Variants in ABI3BP observed in about 807,000 individuals in gnomAD.
ABI3BP encodes ABI family member 3 binding protein, also known as target of Nesh-SH3.
In ABI3BP, 216 loss-of-function variants were observed where a neutral mutation model predicts 268.6. The ratio of observed to expected loss-of-function variants is 0.80; its 90% CI spans 0.72 to 0.90. ABI3BP has a LOEUF of 0.90. ABI3BP is among the 40% of genes least tolerant of loss of function. ABI3BP has a pLI of 0.00. For synonymous variants in ABI3BP, 730 were observed against 730.0 expected, an observed-to-expected ratio of 1.00 and a Z score of 0.00; for missense variants, 2,090 against 2,182.4, an observed-to-expected ratio of 0.96 and a Z score of 0.84.
chr3:100,886,011 A>G (rs1289991367), intron 5 of ABI3BP, 131 bp downstream of exon 5: 2 of 634,710 alleles, frequency 3.2e-6, no homozygotes, highest in Non-Finnish European at 4.9e-6. Context: ...CTTTGCTTCT[A>G]TATTTTCATA....
At chr3:100,953,744 A>G (rs1172392294) in intron 1 of ABI3BP, among the ~76,000 whole-genome samples, 1 of 152,174 alleles carries the variant, frequency 6.6e-6, no homozygotes, top group African/African-American at 2.4e-5. Context: ...GGAGAAGGTG[A>G]GACTTCAGCT....
At chr3:100,828,812 G>A (rs1247753643) in intron 33 of ABI3BP, among the ~76,000 whole-genome samples, 1 of 152,138 alleles carries the variant, frequency 6.6e-6, no homozygotes, top group African/African-American at 2.4e-5. Flanking sequence ...TCCAACGTGA[G>A]TACCAAAGAG....
intron 4 of ABI3BP, among the ~76,000 whole-genome samples, chr3:100,897,118 G>T (rs987044665): frequency 2.0e-5 from 3 of 152,108 alleles, no homozygotes; most frequent in African/African-American, 7.2e-5. Flanking sequence ...AATAGCCTTA[G>T]TGTAAGGGAA....
Position 100,749,982 on chromosome 3 carries a change from A to G in ABI3BP, c.*513T>C, listed in dbSNP as rs2095231868. On this transcript the variant is annotated 3_prime_UTR_variant, in exon 68 of 68. Coordinates refer to ENST00000471714, the MANE Select transcript of ABI3BP (RefSeq NM_001375547.2). Reference sequence around the variant, plus strand: ...GTTGCTAAAAAATTGAAGTTTAAATATAAAAAATTGAAGTTTAAATATAAA... The same window carrying G: ...GTTGCTAAAAAATTGAAGTTTAAATGTAAAAAATTGAAGTTTAAATATAAA... The G allele has an allele frequency of 2.9e-6, 1 of 346,198 alleles. No individual in the cohort carries two copies. The highest frequency in any genetic ancestry group is 5.0e-6 in the Non-Finnish European group (1 of 201,912). The allele number at this position is 346,198 out of a possible 1,614,324, so 21.4% of individuals were successfully genotyped here.
At chr3:100,960,934 T>C (rs1326983605) in intron 1 of ABI3BP, among the ~76,000 whole-genome samples, 2 of 152,192 alleles carry the variant, frequency 1.3e-5, no homozygotes, top group African/African-American at 4.8e-5. Context: ...TTCATTTCAG[T>C]CTTGTAAGAC....
chr3:100,816,725 T>C lies in ABI3BP; in HGVS notation c.3192A>G (p.Lys1064=), dbSNP rs1487757109. ...GAGGTACTTCAGGACTTGATGTAGT[T>C]TTGGGTCTGGGACGGGGACGACGTG... The part of the protein sequence containing the change: ...QRTRRPRPRP[K]TTSSPEVPQN... The change falls in exon 43 of 68, where the codon AAA becomes AAG. Residue 1064 remains lysine, a synonymous_variant. Transcript: ENST00000471714. The C allele has an allele frequency of 1.3e-6, 2 of 1,535,738 alleles. No homozygotes were observed. The highest frequency in any genetic ancestry group is 1.7e-6 in the Non-Finnish European group (2 of 1,146,706).
chr3:100,751,560 A>G lies in ABI3BP; in HGVS notation c.5237T>C (p.Ile1746Thr). Residue 1746 changes from isoleucine (I) to threonine (T), a missense_variant, in exon 67 of 68, where the codon ATC becomes ACC. Physicochemically the swap from Ile to Thr is moderately conservative, Grantham distance 89 (BLOSUM62 -1). Coordinates refer to ENST00000471714, the MANE Select transcript of ABI3BP (RefSeq NM_001375547.2). ...AGGATCAGAAAACATACCTTCTTTGATTGGTAACTGGTCAGAAGTGAGTTG... is the reference window on the plus strand; with the variant it reads ...AGGATCAGAAAACATACCTTCTTTGGTTGGTAACTGGTCAGAAGTGAGTTG... ...GQQLTSDQLP[I>T]KEGYFRAVRQ... The G allele has an allele frequency of 6.3e-7, 1 of 1,589,234 alleles. No individual in the cohort carries two copies. The highest frequency in any genetic ancestry group is 8.6e-7 in the Non-Finnish European group (1 of 1,166,424).
intron 62 of ABI3BP, among the ~76,000 whole-genome samples, chr3:100,767,233 G>A (rs567718181): frequency 6.6e-6 from 1 of 152,272 alleles, no homozygotes; most frequent in South Asian, 2.1e-4. Context: ...GAGCCACTGC[G>A]CCCAGCCTTA....
At chr3:100,759,055 A>G (rs991126504) in intron 63 of ABI3BP, among the ~76,000 whole-genome samples, 18 of 152,318 alleles carry the variant, frequency 1.2e-4, no homozygotes, top group African/African-American at 3.6e-4. Flanking sequence ...ATTATTTAAT[A>G]AACTTTTTAG....
intron 34 of ABI3BP, among the ~76,000 whole-genome samples, chr3:100,827,347 C>T (rs891852714): frequency 2.0e-5 from 3 of 152,072 alleles, no homozygotes; most frequent in African/African-American, 4.8e-5. Context: ...ACCCTCTGGA[C>T]GCCCTCACTA....
At chr3:100,950,543 C>A (rs2074483724) in intron 1 of ABI3BP, among the ~76,000 whole-genome samples, 1 of 149,602 alleles carries the variant, frequency 6.7e-6, no homozygotes, top group South Asian at 2.1e-4. Flanking sequence ...AAGGACTTGT[C>A]CAGAGAACAG....
chr3:100,944,015 C>T (rs556405999), intron 1 of ABI3BP, among the ~76,000 whole-genome samples: 178 of 152,032 alleles, frequency 1.2e-3, no homozygotes, highest in Non-Finnish European at 2.3e-3. Flanking sequence ...TAGTAGTAAG[C>T]GCAGATAAAA....
chr3:100,854,690 A>AT (rs1403429946), intron 14 of ABI3BP, among the ~76,000 whole-genome samples: 1 of 152,214 alleles, frequency 6.6e-6, no homozygotes, highest in African/African-American at 2.4e-5. Context: ...AGTATTACTG[A>AT]TTTTGCATTC....
At chr3:100,826,064 T>C (rs904836283) in intron 34 of ABI3BP, among the ~76,000 whole-genome samples, 2 of 152,034 alleles carry the variant, frequency 1.3e-5, no homozygotes, top group African/African-American at 4.8e-5. Context: ...AAGAGATAAT[T>C]AAGGTTAAAT....
In ABI3BP at chr3:100,852,449, C is replaced by G. The variant is rs182148211; in HGVS notation, c.1286-509G>C. Among the ~76,000 whole-genome samples, 699 of 152,156 alleles carry G rather than the reference C, an allele frequency of 4.6e-3. 5 individuals carry two copies. Among genetic ancestry groups the G allele is most frequent in the Non-Finnish European group, 6.1e-3 (412 of 68,002 alleles). On this transcript the variant is annotated intron_variant, in intron 14 of 67. Coordinates refer to ENST00000471714, the MANE Select transcript of ABI3BP (RefSeq NM_001375547.2). The stretch of plus-strand genomic sequence containing the variant: ...TTACTCATACATCAACTTATTGAAC[C>G]CTTTTAACATCCCTGAGAAATAGGT...
intron 2 of ABI3BP, chr3:100,914,389 CT>C (rs2057861345): frequency 2.2e-6 from 1 of 451,900 alleles, no homozygotes. Context: ...GAACAGGCCC[CT>C]GGCAGGCTGA....
Position 100,914,744 on chromosome 3 carries a change from T to A in ABI3BP, c.259+11558A>T, listed in dbSNP as rs547591743. On this transcript the variant is annotated intron_variant, in intron 2 of 67. Coordinates refer to ENST00000471714, the MANE Select transcript of ABI3BP (RefSeq NM_001375547.2). The stretch of plus-strand genomic sequence containing the variant: ...AACGTTAAAGGGGGGAAAGAGGGCA[T>A]CTCCTTCCAGTAATGTGTACTCCCA... Among the ~76,000 whole-genome samples the A allele has an allele frequency of 5.5e-4, 84 of 152,206 alleles. 1 individual carries two copies. Among genetic ancestry groups the A allele is most frequent in the African/African-American group, 2.0e-3 (82 of 41,534 alleles).
intron 1 of ABI3BP, among the ~76,000 whole-genome samples, chr3:100,937,526 C>T (rs937384600): frequency 2.6e-5 from 4 of 152,060 alleles, no homozygotes; most frequent in African/African-American, 9.7e-5. Flanking sequence ...AATCTTTTGT[C>T]TGGCATGCCG....
intron 1 of ABI3BP, among the ~76,000 whole-genome samples, chr3:100,953,743 G>A (rs73143088): frequency 6.6e-6 from 1 of 152,020 alleles, no homozygotes. Context: ...TGGAGAAGGT[G>A]AGACTTCAGC....
Sources: gnomAD v4.1 joint callset for allele counts (sites outside exome capture counted in the v4.1 genomes callset) on GRCh38, gnomAD v4.1.1 for gene constraint, MANE v1.5 for transcripts, NCBI Gene and HGNC (gene_info 2026-07-23, HGNC 2026-07-21) for gene names.